The following PRKAR2A variants were observed in gnomAD, a reference collection of about 807,000 sequenced individuals.
PRKAR2A encodes the protein protein kinase cAMP-dependent type II regulatory subunit alpha.
In PRKAR2A, 29 loss-of-function variants were observed where a neutral mutation model predicts 51.9. The observed-to-expected ratio is 0.56, with a 90% CI of 0.42 to 0.76. PRKAR2A has a LOEUF of 0.76. PRKAR2A is among the 30% of genes least tolerant of loss of function. The pLI, the probability that PRKAR2A is intolerant of heterozygous loss-of-function variation, is 0.00. For missense variants in PRKAR2A, 445 were observed against 512.1 expected (o/e 0.87, Z 1.26); for synonymous variants, 178 against 186.2 (o/e 0.96, Z 0.36).
chr3:48,752,104 C>G (rs2081657261), intron 10 of PRKAR2A, 72 bp downstream of exon 10: 2 of 1,531,686 alleles, frequency 1.3e-6, no homozygotes, highest in East Asian at 4.6e-5. Context: ...CAGAATATGT[C>G]AAGGCTTGCT....
chr3:48,842,582 C>T (rs1296599113), intron 1 of PRKAR2A, among the ~76,000 whole-genome samples: 2 of 152,186 alleles, frequency 1.3e-5, no homozygotes, highest in Admixed American at 1.3e-4. Context: ...TTTTGAGATA[C>T]ATCCCATCAA....
At chr3:48,790,450 T>G in intron 4 of PRKAR2A, 94 bp downstream of exon 4, 19 of 765,252 alleles carry the variant, frequency 2.5e-5, no homozygotes, top group Non-Finnish European at 2.8e-5. Flanking sequence ...TTAACACGGC[T>G]GTGGCTAGGG....
At chr3:48,779,720 T>C (rs1182849485) in intron 5 of PRKAR2A, among the ~76,000 whole-genome samples, 3 of 149,382 alleles carry the variant, frequency 2.0e-5, no homozygotes, top group Admixed American at 6.7e-5. Flanking sequence ...GCGGAGGTTG[T>C]AGTGAGCCAG....
chr3:48,792,179 T>C (rs2082400105), intron 3 of PRKAR2A, among the ~76,000 whole-genome samples: 1 of 151,798 alleles, frequency 6.6e-6, no homozygotes, highest in East Asian at 1.9e-4. Flanking sequence ...TCTCGCTCTG[T>C]TGCCCAGGTT....
intron 6 of PRKAR2A, 102 bp from the exon 7 acceptor site, chr3:48,765,451 C>A: frequency 1.3e-6 from 1 of 779,756 alleles, no homozygotes; most frequent in Admixed American, 3.0e-5. Flanking sequence ...ATGTAAGTTA[C>A]TGTGTTAATT....
At chr3:48,806,476 T>C (rs961156029) in intron 2 of PRKAR2A, among the ~76,000 whole-genome samples, 4 of 152,142 alleles carry the variant, frequency 2.6e-5, no homozygotes, top group South Asian at 2.1e-4. Flanking sequence ...GGAACAATCA[T>C]TGTTTTTTTT....
At chr3:48,840,998 C>T (rs1398589188) in intron 1 of PRKAR2A, among the ~76,000 whole-genome samples, 1 of 150,432 alleles carries the variant, frequency 6.6e-6, no homozygotes, top group African/African-American at 2.4e-5. Context: ...TCTCCTGCCT[C>T]AGCCTCCCGA....
At chr3:48,766,861 T>C (rs866950550) in intron 6 of PRKAR2A, among the ~76,000 whole-genome samples, 4 of 152,150 alleles carry the variant, frequency 2.6e-5, no homozygotes, top group Non-Finnish European at 2.9e-5. Context: ...TGTTTTATTT[T>C]GAGATAGGGT....
intron 2 of PRKAR2A, among the ~76,000 whole-genome samples, chr3:48,806,794 CAG>C (rs1244374977): frequency 1.3e-5 from 2 of 150,264 alleles, no homozygotes; most frequent in African/African-American, 4.9e-5. Flanking sequence ...TTTTTTGAGA[CAG>C]AGTCTCACTC....
At chr3:48,839,130 A>G (rs1280762899) in intron 1 of PRKAR2A, among the ~76,000 whole-genome samples, 1 of 150,814 alleles carries the variant, frequency 6.6e-6, no homozygotes. Context: ...TCTACTAAAA[A>G]CACAAACATT....
Position 48,847,695 on chromosome 3 carries a change from T to C in PRKAR2A, c.-99A>G. 2 of 1,196,736 alleles carry C rather than the reference T, an allele frequency of 1.7e-6. No homozygotes were observed. The highest frequency in any genetic ancestry group is 2.2e-6 in the Non-Finnish European group (2 of 911,212). The allele number at this position is 1,196,736 out of a possible 1,614,324, so 74.1% of individuals were successfully genotyped here. On this transcript the variant is annotated 5_prime_UTR_variant, in exon 1 of 11. Transcript: ENST00000265563. This position sits in a 1 kb window ranked among gnomAD's most constrained non-coding sequence, Gnocchi z 4.4. Reference sequence around the variant, plus strand: ...TTTCGCTCCGCGCCCGCGAGGTCTCTTCGCGCACGGCCCCGGCTCACGTCG... The same window carrying C: ...TTTCGCTCCGCGCCCGCGAGGTCTCCTCGCGCACGGCCCCGGCTCACGTCG...
chr3:48,832,594 AAG>A (rs1397036371), intron 1 of PRKAR2A, among the ~76,000 whole-genome samples: 3 of 152,172 alleles, frequency 2.0e-5, no homozygotes, highest in Non-Finnish European at 4.4e-5. Context: ...CACATGCTTT[AAG>A]AGACACAAAA....
At chr3:48,816,367 T>C (rs2082874343) in intron 1 of PRKAR2A, among the ~76,000 whole-genome samples, 1 of 152,192 alleles carries the variant, frequency 6.6e-6, no homozygotes, top group South Asian at 2.1e-4. Context: ...TCTAGCACAG[T>C]GCTCAGCACA....
At chr3:48,798,570 T>C (rs1482465959) in intron 2 of PRKAR2A, among the ~76,000 whole-genome samples, 1 of 151,914 alleles carries the variant, frequency 6.6e-6, no homozygotes, top group Admixed American at 6.6e-5. Context: ...CTTAGAATAA[T>C]ACATTAAAAA....
At chr3:48,774,540 TCTAA>T (rs2082077944) in intron 5 of PRKAR2A, among the ~76,000 whole-genome samples, 1 of 152,246 alleles carries the variant, frequency 6.6e-6, no homozygotes, top group South Asian at 2.1e-4. Flanking sequence ...ATTTCTTCTA[TCTAA>T]CTGTGTGTTT....
At position 48,811,005 on chromosome 3, in the gene PRKAR2A, C is replaced by G. The variant is rs527946112; in HGVS notation, c.263-3321G>C. On this transcript the variant is annotated intron_variant, in intron 1 of 10. Coordinates refer to ENST00000265563, the MANE Select transcript of PRKAR2A (RefSeq NM_004157.4). ...CAGCCCGCACAACATAGAAAGACCC[C>G]GTGTCTTTACAAAAAATTTAAAAAT... Among the ~76,000 whole-genome samples the G allele has an allele frequency of 5.9e-5, 9 of 151,966 alleles. No individual in the cohort carries two copies. The South Asian group carries it at 1.9e-3, about 32-fold the overall frequency.
In PRKAR2A at chr3:48,749,341, A is replaced by G. The variant is rs915309354; in HGVS notation, c.*2244T>C. 6.6e-6 allele frequency: 1 copy of G among 152,204 alleles called. No individual in the cohort carries two copies. The highest frequency in any genetic ancestry group is 1.5e-5 in the Non-Finnish European group (1 of 68,044). 9.4% of individuals were successfully genotyped at this position (152,204 alleles called of 1,614,324 possible). ...GATGATCACTGGAATTCTACCAGAT[A>G]TAAGTAAAAGGCTAAATGGGTTTTA... On this transcript the variant is annotated 3_prime_UTR_variant, in exon 11 of 11. Transcript: ENST00000265563.
At chr3:48,804,781 G>A (rs1161058864) in intron 2 of PRKAR2A, among the ~76,000 whole-genome samples, 2 of 152,006 alleles carry the variant, frequency 1.3e-5, no homozygotes, top group Admixed American at 1.3e-4. Context: ...GAGGAGAGGA[G>A]GTCAAAGAAT....
intron 8 of PRKAR2A, among the ~76,000 whole-genome samples, chr3:48,758,466 C>T (rs1191213493): frequency 1.3e-5 from 2 of 151,040 alleles, no homozygotes; most frequent in Non-Finnish European, 2.9e-5. Flanking sequence ...GCCTGTAATC[C>T]CAGCTACTCA....
Sources: gnomAD v4.1 joint callset for allele counts (sites outside exome capture counted in the v4.1 genomes callset) on GRCh38, gnomAD v4.1.1 for gene constraint, Gnocchi (gnomAD v3.1) non-coding constraint, MANE v1.5 for transcripts, NCBI Gene and HGNC (gene_info 2026-07-23, HGNC 2026-07-21) for gene names.